The following FAF1 variants were observed in gnomAD, a reference collection of about 807,000 sequenced individuals.
FAF1 encodes the protein Fas associated factor 1.
A neutral mutation model predicts 92.5 loss-of-function variants in FAF1; 25 were observed. That is an observed-to-expected ratio of 0.27 (90% CI 0.20 to 0.38). The LOEUF is 0.38. Among genes scored for constraint, FAF1 ranks in the 10% least tolerant of loss-of-function variants. FAF1 has a pLI of 1.00. For synonymous variants in FAF1, 234 were observed against 273.2 expected (o/e 0.86, Z 1.42); for missense variants, 636 against 793.3 (o/e 0.80, Z 2.38).
chr1:50,938,408 C>T (rs190305107), intron 1 of FAF1, among the ~76,000 whole-genome samples: 2 of 152,310 alleles, frequency 1.3e-5, no homozygotes, highest in East Asian at 3.9e-4. Context: ...AAAGATGGCT[C>T]TGTATCCATT....
At chr1:50,804,418 A>C (rs974178032) in intron 2 of FAF1, among the ~76,000 whole-genome samples, 4 of 152,186 alleles carry the variant, frequency 2.6e-5, no homozygotes, top group African/African-American at 9.6e-5. Flanking sequence ...CATTAAAAAC[A>C]AAACAAATAA....
At chr1:50,793,257 T>C (rs1368254693) in intron 3 of FAF1, among the ~76,000 whole-genome samples, 4 of 152,218 alleles carry the variant, frequency 2.6e-5, no homozygotes, top group Non-Finnish European at 5.9e-5. Context: ...CAGGTACTTA[T>C]TGTAAATTTT....
chr1:50,559,863 G>A (rs1203227360), intron 13 of FAF1, among the ~76,000 whole-genome samples: 1 of 152,088 alleles, frequency 6.6e-6, no homozygotes, highest in African/African-American at 2.4e-5. Flanking sequence ...TGTTTAGGAT[G>A]GCAATACACT....
chr1:50,485,583 A>G (rs1646755105), intron 17 of FAF1, among the ~76,000 whole-genome samples: 1 of 145,784 alleles, frequency 6.9e-6, no homozygotes, highest in African/African-American at 2.6e-5. Context: ...AATCACTTGA[A>G]CCCAGGAGGC....
chr1:50,882,520 T>C (rs897400917), intron 1 of FAF1, among the ~76,000 whole-genome samples: 2 of 151,866 alleles, frequency 1.3e-5, no homozygotes, highest in Admixed American at 1.3e-4. Flanking sequence ...AAGAATGGCT[T>C]GAGCCCGAGA....
At chr1:50,845,730 C>T (rs543958363) in intron 2 of FAF1, among the ~76,000 whole-genome samples, 6 of 152,140 alleles carry the variant, frequency 3.9e-5, no homozygotes, top group African/African-American at 1.4e-4. Context: ...TCTAAGTTTG[C>T]CCTTCCTTGG....
At chr1:50,712,113 G>C (rs1657958845) in intron 6 of FAF1, among the ~76,000 whole-genome samples, 1 of 152,192 alleles carries the variant, frequency 6.6e-6, no homozygotes, top group South Asian at 2.1e-4. Flanking sequence ...TACTAAGGAA[G>C]TGAACACAGT....
intron 15 of FAF1, among the ~76,000 whole-genome samples, chr1:50,519,244 C>T (rs865824601): frequency 1.8e-4 from 27 of 151,742 alleles, no homozygotes; most frequent in African/African-American, 5.3e-4. Context: ...GCAGGAGAAT[C>T]GCTTGAACCA....
At chr1:50,719,853 A>C (rs1266559598) in intron 6 of FAF1, among the ~76,000 whole-genome samples, 2 of 152,230 alleles carry the variant, frequency 1.3e-5, no homozygotes, top group African/African-American at 4.8e-5. Context: ...AACTATCAAT[A>C]GGCAATAAAC....
At chr1:50,904,907 T>C (rs1245416348) in intron 1 of FAF1, among the ~76,000 whole-genome samples, 2 of 152,054 alleles carry the variant, frequency 1.3e-5, no homozygotes, top group African/African-American at 4.8e-5. Context: ...TTTAATATAC[T>C]TTAAGTTCTA....
chr1:50,750,047 C>T (rs1441563751), intron 4 of FAF1, among the ~76,000 whole-genome samples: 1 of 152,088 alleles, frequency 6.6e-6, no homozygotes, highest in Non-Finnish European at 1.5e-5. Flanking sequence ...TCTCAAAACA[C>T]AGGAGTTACT....
At chr1:50,536,375 G>A (rs575669470) in intron 14 of FAF1, among the ~76,000 whole-genome samples, 1 of 152,248 alleles carries the variant, frequency 6.6e-6, no homozygotes, top group East Asian at 1.9e-4. Context: ...CAAACCTACA[G>A]GCAGAAAGAG....
chr1:50,680,719 T>C (rs1656383499), intron 7 of FAF1, among the ~76,000 whole-genome samples: 1 of 151,600 alleles, frequency 6.6e-6, no homozygotes, highest in Non-Finnish European at 1.5e-5. Flanking sequence ...CCATCACAGA[T>C]TCTAAGAACT....
intron 7 of FAF1, among the ~76,000 whole-genome samples, chr1:50,668,759 T>C (rs941372232): frequency 6.6e-6 from 1 of 152,184 alleles, no homozygotes; most frequent in African/African-American, 2.4e-5. Flanking sequence ...GGGCTGGCTC[T>C]GAAATGTAGA....
At chr1:50,908,759 T>C (rs559675254) in intron 1 of FAF1, among the ~76,000 whole-genome samples, 1 of 152,284 alleles carries the variant, frequency 6.6e-6, no homozygotes, top group Non-Finnish European at 1.5e-5. Context: ...ATTTTGAGCC[T>C]ATGTGTGTCT....
chr1:50,854,558 T>G (rs1415010342), intron 2 of FAF1, among the ~76,000 whole-genome samples: 3 of 151,926 alleles, frequency 2.0e-5, no homozygotes, highest in Non-Finnish European at 2.9e-5. Context: ...TTTTCAGAAT[T>G]TTGACATATA....
At chr1:50,922,476 A>G (rs1317294162) in intron 1 of FAF1, among the ~76,000 whole-genome samples, 1 of 147,394 alleles carries the variant, frequency 6.8e-6, no homozygotes, top group African/African-American at 2.5e-5. Flanking sequence ...AAAAAAAAAA[A>G]AAAAAAGAAA....
chr1:50,892,478 C>A (rs1644728054), intron 1 of FAF1, among the ~76,000 whole-genome samples: 1 of 152,204 alleles, frequency 6.6e-6, no homozygotes, highest in Non-Finnish European at 1.5e-5. Context: ...ATTTGGCCAT[C>A]TTGGAACCGC....
intron 7 of FAF1, among the ~76,000 whole-genome samples, chr1:50,669,781 T>C (rs1423732678): frequency 6.6e-6 from 1 of 152,260 alleles, no homozygotes; most frequent in Non-Finnish European, 1.5e-5. Flanking sequence ...TAACCACATA[T>C]GGCTACTGAG....
Sources: allele counts gnomAD v4.1 joint callset (sites outside exome capture counted in the v4.1 genomes callset), GRCh38; gene constraint gnomAD v4.1.1; transcripts MANE v1.5; gene names NCBI Gene and HGNC (gene_info 2026-07-23, HGNC 2026-07-21).